The following NOS1 variants were observed in gnomAD, a reference collection of about 807,000 sequenced individuals.
NOS1 encodes the protein NOS type I.
A neutral mutation model predicts 164.5 loss-of-function variants in NOS1; 51 were observed. The ratio of observed to expected loss-of-function variants is 0.31; its 90% CI spans 0.25 to 0.39. The LOEUF (loss-of-function observed/expected upper bound fraction) is 0.39. Among genes scored for constraint, NOS1 ranks in the 10% least tolerant of loss-of-function variants. NOS1 has a pLI of 1.00. For missense variants in NOS1, 1,362 were observed against 1,885.6 expected, an observed-to-expected ratio of 0.72 and a Z score of 5.14; for synonymous variants, 719 against 745.8, an observed-to-expected ratio of 0.96 and a Z score of 0.59.
intron 4 of NOS1, among the ~76,000 whole-genome samples, chr12:117,289,965 C>T (rs1322398306): frequency 3.9e-5 from 6 of 152,120 alleles, no homozygotes; most frequent in Non-Finnish European, 5.9e-5. Context: ...CCTGTGTGCC[C>T]GAGCTGTCTT....
At chr12:117,270,284 C>T (rs542640305) in intron 10 of NOS1, among the ~76,000 whole-genome samples, 1 of 152,212 alleles carries the variant, frequency 6.6e-6, no homozygotes, top group Non-Finnish European at 1.5e-5. Context: ...TGCTCCTAGA[C>T]CCAGCTATCA....
rs537246709 is a variant in NOS1, at chr12:117,280,711, G to A, written c.1524+14C>T. On this transcript the variant is annotated intron_variant, in intron 8 of 28. Coordinates refer to ENST00000317775, the MANE Select transcript of NOS1 (RefSeq NM_000620.5). ...CCCATGTTGGGGCAGGGTAGGGGGC[G>A]GAAACGCTCGCACCTCTGTGAACTG... 36 of 1,610,354 alleles carry A rather than the reference G, an allele frequency of 2.2e-5. 2 individuals are homozygous for A. In the South Asian group the frequency reaches 2.8e-4, roughly 12 times the overall value.
chr12:117,346,333 T>C (rs1179730033), intron 1 of NOS1, among the ~76,000 whole-genome samples: 1 of 152,018 alleles, frequency 6.6e-6, no homozygotes, highest in African/African-American at 2.4e-5. Flanking sequence ...TAGCCAGGCG[T>C]GGTGGCACGT....
In NOS1 at chr12:117,234,479, G is replaced by C. The variant is rs1407268961; in HGVS notation, c.3235+86C>G. On this transcript the variant is annotated intron_variant, in intron 21 of 28. Coordinates refer to ENST00000317775, the MANE Select transcript of NOS1 (RefSeq NM_000620.5). The surrounding 1 kb of genome is among the most constrained non-coding windows in gnomAD (Gnocchi z 4.3). ...CACCCACTCTCCTGCCTGGACTGGT[G>C]ATTGGGAAGAAAAGGTATCTTCTTC... 6 of 1,400,726 alleles carry C rather than the reference G, an allele frequency of 4.3e-6. No homozygotes were observed. In the African/African-American group the frequency reaches 5.7e-5, roughly 13 times the overall value. 86.8% of individuals were successfully genotyped at this position (1,400,726 alleles called of 1,614,324 possible).
In NOS1 at chr12:117,313,144, C is replaced by T. The variant is rs547973491; in HGVS notation, c.726-1552G>A. Among the ~76,000 whole-genome samples the T allele has an allele frequency of 6.0e-4, 92 of 152,210 alleles. 1 individual carries two copies. Among genetic ancestry groups the T allele is most frequent in the African/African-American group, 1.9e-3 (78 of 41,538 alleles). ...TTGTCACCATCTTCTTCCTCCTCCT[C>T]GGCATCAGGACCACACCAGCATCTT... On this transcript the variant is annotated intron_variant, in intron 2 of 28. Coordinates refer to ENST00000317775, the MANE Select transcript of NOS1 (RefSeq NM_000620.5).
chr12:117,350,018 C>T (rs1390416009), intron 1 of NOS1, among the ~76,000 whole-genome samples: 1 of 152,118 alleles, frequency 6.6e-6, no homozygotes, highest in African/African-American at 2.4e-5. Context: ...AGCCACCATG[C>T]CTGGCCGGCT....
At chr12:117,355,571 CCAAA>C (rs781770315) in intron 1 of NOS1, among the ~76,000 whole-genome samples, 2 of 152,008 alleles carry the variant, frequency 1.3e-5, no homozygotes, top group Admixed American at 6.6e-5. Flanking sequence ...TGCCCCCAAT[CCAAA>C]CAAACAGAGA....
chr12:117,360,039 T>C, intron 1 of NOS1, among the ~76,000 whole-genome samples: 1 of 149,778 alleles, frequency 6.7e-6, no homozygotes, highest in East Asian at 2.0e-4. Flanking sequence ...AGTTTCTCCA[T>C]TTTACAGATG....
chr12:117,264,607 TCCC>T (rs1273880323), intron 12 of NOS1, among the ~76,000 whole-genome samples: 1 of 82,326 alleles, frequency 1.2e-5, no homozygotes, highest in South Asian at 5.4e-4. Context: ...CCTCCCTCCC[TCCC>T]CTTCTCTCCC....
Position 117,255,912 on chromosome 12 carries a change from C to T in NOS1, c.2532-2158G>A, listed in dbSNP as rs562253767. 60 of 1,418,582 alleles carry T rather than the reference C, an allele frequency of 4.2e-5. No individual in the cohort carries two copies. In the South Asian group the frequency reaches 4.4e-4, roughly 11 times the overall value. 87.9% of individuals were successfully genotyped at this position (1,418,582 alleles called of 1,614,324 possible). A position where few individuals can be genotyped will look rare whatever the true frequency, so the allele number is the denominator to read the frequency against. ...GCATGCATACACTCGCACACACCTG[C>T]GTGTACACACATGCACACTCTACCT... On this transcript the variant is annotated intron_variant, in intron 16 of 28. Coordinates refer to ENST00000317775, the MANE Select transcript of NOS1 (RefSeq NM_000620.5).
intron 27 of NOS1, among the ~76,000 whole-genome samples, chr12:117,218,739 C>T (rs1956651153): frequency 6.6e-6 from 1 of 152,072 alleles, no homozygotes; most frequent in Non-Finnish European, 1.5e-5. Flanking sequence ...CCCGGAGTCT[C>T]AAGAAACAGC....
In NOS1 at chr12:117,322,667, G is replaced by A. The variant is rs117990134; in HGVS notation, c.725+7678C>T. On this transcript the variant is annotated intron_variant, in intron 2 of 28. Transcript: ENST00000317775. ...CCTCCCTGCTTCCCTCCCTCCTTCC[G>A]TCCCTGCTTCCTTTCTTCCTTCCTT... is the stretch of plus-strand genomic sequence containing the variant. Among the ~76,000 whole-genome samples, 622 of 74,166 alleles carry A rather than the reference G, an allele frequency of 8.4e-3. 41 individuals are homozygous for A. In the East Asian group the frequency reaches 0.22, roughly 26 times the overall value. The allele number at this position is 74,166 out of a possible 152,430, so 48.7% of individuals were successfully genotyped here. A position where few individuals can be genotyped will look rare whatever the true frequency, so the allele number is the denominator to read the frequency against.
chr12:117,261,770 G>A (rs9658415), intron 13 of NOS1, among the ~76,000 whole-genome samples: 1 of 152,210 alleles, frequency 6.6e-6, no homozygotes, highest in Non-Finnish European at 1.5e-5. Context: ...TTGGTCAACA[G>A]AGTGAGACTT....
chr12:117,212,396 G>A lies in NOS1; in HGVS notation c.*2913C>T. Reference sequence around the variant, plus strand: ...ATTGATGGGTCTGAAGTGTCCCCCCGCAAAAGAAAGACACCTGGCTGTCTC... The same window carrying A: ...ATTGATGGGTCTGAAGTGTCCCCCCACAAAAGAAAGACACCTGGCTGTCTC... On this transcript the variant is annotated 3_prime_UTR_variant, in exon 29 of 29. Transcript: ENST00000317775. The A allele has an allele frequency of 1.1e-5, 11 of 985,242 alleles. No individual in the cohort carries two copies. Among genetic ancestry groups the A allele is most frequent in the South Asian group, 4.7e-5 (1 of 21,276 alleles). The allele number at this position is 985,242 out of a possible 1,614,324, so 61.0% of individuals were successfully genotyped here. A position where few individuals can be genotyped will look rare whatever the true frequency, so the allele number is the denominator to read the frequency against.
At chr12:117,220,359 A>G in intron 26 of NOS1, 90 bp from the exon 27 acceptor site, 1 of 1,318,064 alleles carries the variant, frequency 7.6e-7, no homozygotes, top group Non-Finnish European at 1.0e-6. Flanking sequence ...AGCCTGACTC[A>G]GGGGCTTGTG....
At chr12:117,258,505 A>C in intron 15 of NOS1, 50 bp from the exon 16 acceptor site, 2 of 1,588,536 alleles carry the variant, frequency 1.3e-6, no homozygotes, top group Non-Finnish European at 1.7e-6. Context: ...GTAAATGGGA[A>C]ATCAGGTCGG....
chr12:117,330,733 C>A lies in NOS1; in HGVS notation c.337G>T (p.Gly113Cys), dbSNP rs746824023. 2.5e-6 allele frequency: 4 copies of A among 1,613,932 alleles called. No individual in the cohort carries two copies. Among genetic ancestry groups the A allele is most frequent in the Admixed American group, 3.3e-5 (2 of 59,998 alleles). The part of the protein sequence containing the change: ...FTTHLETTFT[G>C]DGTPKTIRVT... ...CGGATGGTCTTGGGGGTCCCATCAC[C>A]TGTAAAGGTGGTCTCCAGGTGCGTG... is the stretch of plus-strand genomic sequence containing the variant. Residue 113 changes from glycine (G) to cysteine (C), a missense_variant, in exon 2 of 29, where the codon GGT becomes TGT. Gly to Cys is a radical substitution (Grantham distance 159, BLOSUM62 -3). Transcript: ENST00000317775. The surrounding 1 kb of genome is among the most constrained non-coding windows in gnomAD (Gnocchi z 4.6).
In NOS1 at chr12:117,220,215, G is replaced by A; in HGVS notation, c.4030C>T (p.Leu1344=). Residue 1344 remains leucine (L), a synonymous_variant, in exon 27 of 29, where the codon CTG becomes TTG. Transcript: ENST00000317775. ...TATATGTGGCCCCCTTGCTCCTTCAGGGCTCGGTACACAGACTCCGCCAGC... is the reference window on the plus strand; with the variant it reads ...TATATGTGGCCCCCTTGCTCCTTCAAGGCTCGGTACACAGACTCCGCCAGC... The part of the protein sequence containing the change: ...EQLAESVYRA[L]KEQGGHIYVC... 6.2e-7 allele frequency: 1 copy of A among 1,613,458 alleles called. No homozygotes were observed. Among genetic ancestry groups the A allele is most frequent in the East Asian group, 2.2e-5 (1 of 44,880 alleles).
In NOS1 at chr12:117,210,216, A is replaced by G. The variant is rs11068413; in HGVS notation, c.*5093T>C. On this transcript the variant is annotated 3_prime_UTR_variant, in exon 29 of 29. Coordinates refer to ENST00000317775, the MANE Select transcript of NOS1 (RefSeq NM_000620.5). ...AGCTGGTCTCAAACTCCTGGCCCCA[A>G]GTGATCCTCCCACCTCAGTCTCCCA... The G allele has an allele frequency of 0.2, 167,105 of 852,654 alleles. 17,824 individuals are homozygous for G. Among genetic ancestry groups the G allele is most frequent in the Admixed American group, 0.34 (5,359 of 15,880 alleles). The allele number at this position is 852,654 out of a possible 1,614,324, so 52.8% of individuals were successfully genotyped here.
Sources: allele counts gnomAD v4.1 joint callset (sites outside exome capture counted in the v4.1 genomes callset), GRCh38; gene constraint gnomAD v4.1.1; non-coding constraint Gnocchi (gnomAD v3.1); transcripts MANE v1.5; gene names NCBI Gene and HGNC (gene_info 2026-07-23, HGNC 2026-07-21).